The following VWA5B1 variants were observed in gnomAD, a reference collection of about 807,000 sequenced individuals.
VWA5B1 encodes the protein von Willebrand factor A domain containing 5B1.
In VWA5B1, 115 loss-of-function variants were observed where a neutral mutation model predicts 118.2. The observed-to-expected ratio is 0.97, with a 90% CI of 0.84 to 1.14. VWA5B1 has a LOEUF of 1.14. Among genes scored for constraint, VWA5B1 ranks in the 50% most tolerant of loss-of-function variants. The pLI, the probability that VWA5B1 is intolerant of heterozygous loss-of-function variation, is 0.00. For synonymous variants in VWA5B1, 682 were observed against 658.4 expected, an observed-to-expected ratio of 1.04 and a Z score of -0.55; for missense variants, 1,596 against 1,603.8, an observed-to-expected ratio of 1.00 and a Z score of 0.08.
chr1:20,324,491 C>T (rs1435584966), intron 8 of VWA5B1, among the ~76,000 whole-genome samples: 4 of 152,158 alleles, frequency 2.6e-5, no homozygotes, highest in Admixed American at 6.6e-5. Flanking sequence ...GGAAAAGGGT[C>T]GTCTATCCTC....
intron 1 of VWA5B1, among the ~76,000 whole-genome samples, chr1:20,305,305 G>T (rs947843639): frequency 2.6e-5 from 4 of 152,116 alleles, no homozygotes; most frequent in African/African-American, 7.2e-5. Flanking sequence ...AGGAAGCAAA[G>T]GTTGCTGACA....
At chr1:20,319,330 C>A in intron 6 of VWA5B1, 52 bp from the exon 7 acceptor site, 1 of 1,544,530 alleles carries the variant, frequency 6.5e-7, no homozygotes, top group Non-Finnish European at 8.8e-7. Context: ...CCCCCAGCAT[C>A]CTTCTCCTAC....
chr1:20,318,279 C>T (rs558421316), intron 5 of VWA5B1: 20 of 405,032 alleles, frequency 4.9e-5, no homozygotes, highest in South Asian at 1.2e-4. Context: ...CACCCTCCGA[C>T]GGAGCGCTGA....
At position 20,357,265 on chromosome 1, in the gene VWA5B1, C is replaced by T. The variant is rs1332814239; in HGVS notation, c.*3002C>T. On this transcript the variant is annotated 3_prime_UTR_variant, in exon 22 of 22. Coordinates refer to ENST00000289815, the MANE Select transcript of VWA5B1 (RefSeq NM_001039500.3). ...GCAAATTACTTGCTTTCTCTGAACCCCTGTTTCATCTTTTGTGGAATGACG... is the reference window on the plus strand; with the variant it reads ...GCAAATTACTTGCTTTCTCTGAACCTCTGTTTCATCTTTTGTGGAATGACG... Among the ~76,000 whole-genome samples, 1 of 152,180 alleles carries T rather than the reference C, an allele frequency of 6.6e-6. No homozygotes were observed. The highest frequency in any genetic ancestry group is 1.5e-5 in the Non-Finnish European group (1 of 68,036).
rs555198307 is a variant in VWA5B1 at position 20,345,987 on chromosome 1, C to G, written c.2764+394C>G. 5.9e-5 allele frequency among the ~76,000 whole-genome samples: 9 copies of G among 152,320 alleles called. No homozygotes were observed. In the South Asian group the frequency reaches 1.9e-3, roughly 32 times the overall value. On this transcript the variant is annotated intron_variant, in intron 17 of 21. Transcript: ENST00000289815. ...CACTTGGTGTGACCATCCTTCCAGA[C>G]TTCTCTCTATGGATATCAGCATGTA...
In VWA5B1 at chr1:20,336,440, G is replaced by A. The variant is rs376409594; in HGVS notation, c.1896G>A (p.Gln632=). The A allele has an allele frequency of 1.8e-5, 27 of 1,494,290 alleles. No individual in the cohort carries two copies. Among genetic ancestry groups the A allele is most frequent in the Admixed American group, 2.3e-5 (1 of 44,180 alleles). 92.6% of individuals were successfully genotyped at this position (1,494,290 alleles called of 1,614,324 possible). Reference sequence around the variant, plus strand: ...CGGGGGCACCCTTCATCCTAGGGCAGGCCAAAAATGCCCGGCTAGCCAGCG... The same window carrying A: ...CGGGGGCACCCTTCATCCTAGGGCAAGCCAAAAATGCCCGGCTAGCCAGCG... ...KNSGAPFILG[Q]AKNARLASGD... The change falls in exon 13 of 22, where the codon CAG becomes CAA. Residue 632 remains glutamine, a synonymous_variant. Transcript: ENST00000289815.
intron 5 of VWA5B1, chr1:20,318,331 T>G: frequency 3.7e-6 from 2 of 535,810 alleles, no homozygotes; most frequent in Non-Finnish European, 6.8e-6. Flanking sequence ...GTGCGTGCCC[T>G]ATAAGAATGC....
rs1007232497 is a variant in VWA5B1 at position 20,318,684 on chromosome 1, C to T, written c.804C>T (p.Thr268=). 26 of 1,539,362 alleles carry T rather than the reference C, an allele frequency of 1.7e-5. No individual in the cohort carries two copies. The highest frequency in any genetic ancestry group is 2.1e-5 in the Non-Finnish European group (24 of 1,139,552). Residue 268 remains threonine, a synonymous_variant, in exon 6 of 22, where the codon ACC becomes ACT. Coordinates refer to ENST00000289815, the MANE Select transcript of VWA5B1 (RefSeq NM_001039500.3). ...SIIITLANKH[T]FDRPVEILIH... Reference sequence around the variant, plus strand: ...TCATCACCTTGGCCAACAAGCACACCTTTGACCGGCCTGTGGAGATCCTCA... The same window carrying T: ...TCATCACCTTGGCCAACAAGCACACTTTTGACCGGCCTGTGGAGATCCTCA...
intron 9 of VWA5B1, among the ~76,000 whole-genome samples, chr1:20,329,827 T>A (rs1036726174): frequency 1.3e-5 from 2 of 151,992 alleles, no homozygotes; most frequent in African/African-American, 4.8e-5. Context: ...AGATTTCTAG[T>A]CCAGTGCTCT....
intron 16 of VWA5B1, 40 bp downstream of exon 16, chr1:20,343,433 C>T: frequency 1.4e-6 from 2 of 1,475,228 alleles, no homozygotes; most frequent in Non-Finnish European, 1.8e-6. Flanking sequence ...CGGACGGCCT[C>T]CGGAGGACAG....
chr1:20,352,333 C>G (rs1347346483), intron 21 of VWA5B1, among the ~76,000 whole-genome samples, 161 bp downstream of exon 21: 2 of 152,064 alleles, frequency 1.3e-5, no homozygotes, highest in African/African-American at 4.8e-5. Flanking sequence ...AGCTTCCCAC[C>G]CAAGTAGTTA....
In VWA5B1 at chr1:20,358,073, T is replaced by G. The variant is rs528603522; in HGVS notation, c.*3810T>G. ...TCCTTTGGCAGACTTACACTGGACT[T>G]GTCCATAAGCGGCCTCGGTTTCCAG... On this transcript the variant is annotated 3_prime_UTR_variant, in exon 22 of 22. Transcript: ENST00000289815. 6.6e-6 allele frequency among the ~76,000 whole-genome samples: 1 copy of G among 152,308 alleles called. No individual in the cohort carries two copies. The highest frequency in any genetic ancestry group is 6.5e-5 in the Admixed American group (1 of 15,300).
At chr1:20,298,506 G>T (rs965819868) in intron 1 of VWA5B1, among the ~76,000 whole-genome samples, 4 of 151,946 alleles carry the variant, frequency 2.6e-5, no homozygotes, top group African/African-American at 9.7e-5. Flanking sequence ...CCCTACACAG[G>T]GCAAAGCCAC....
rs1305114797 is a variant in VWA5B1, at chr1:20,330,873, T to G, written c.1462T>G (p.Tyr488Asp). 1.3e-6 allele frequency: 2 copies of G among 1,551,614 alleles called. No homozygotes were observed. Among genetic ancestry groups the G allele is most frequent in the Admixed American group, 3.9e-5 (2 of 50,984 alleles). Residue 488 changes from tyrosine (Y) to aspartate (D), a missense_variant, in exon 11 of 22, where the codon TAT becomes GAT. Transcript: ENST00000289815. Reference sequence around the variant, plus strand: ...TCTCTTCTCCCTTTCCGCCAGGTGCTATAGCTTTGGAATTGGACCCAACGT... The same window carrying G: ...TCTCTTCTCCCTTTCCGCCAGGTGCGATAGCTTTGGAATTGGACCCAACGT... ...VRNHAFSTRC[Y>D]SFGIGPNVCH...
chr1:20,351,974 C>T, intron 20 of VWA5B1, 81 bp from the exon 21 acceptor site: 7 of 1,121,424 alleles, frequency 6.2e-6, no homozygotes, highest in South Asian at 6.0e-5. Flanking sequence ...TATTGCATTC[C>T]TTCTGACCCT....
intron 1 of VWA5B1, among the ~76,000 whole-genome samples, chr1:20,298,078 A>G (rs1373332864): frequency 6.8e-6 from 1 of 146,334 alleles, no homozygotes; most frequent in Non-Finnish European, 1.5e-5. Flanking sequence ...TGGTATGATC[A>G]TATCTCACTG....
intron 7 of VWA5B1, 76 bp from the exon 8 acceptor site, chr1:20,323,280 G>A (rs2089277000): frequency 1.5e-6 from 2 of 1,295,314 alleles, no homozygotes; most frequent in Non-Finnish European, 2.0e-6. Context: ...CACGGTGAGT[G>A]ACGGGGACCA....
chr1:20,317,394 G>A, intron 4 of VWA5B1, 136 bp from the exon 5 acceptor site: 1 of 1,188,312 alleles, frequency 8.4e-7, no homozygotes, highest in Non-Finnish European at 1.1e-6. Context: ...GTCAGGTTGA[G>A]TGGGAGAGCA....
chr1:20,336,998 G>C (rs1448370042), intron 13 of VWA5B1, among the ~76,000 whole-genome samples: 1 of 152,150 alleles, frequency 6.6e-6, no homozygotes, highest in South Asian at 2.1e-4. Flanking sequence ...CTGCTTCTTA[G>C]AGGTGGGAAG....
Sources: gnomAD v4.1 joint callset for allele counts (sites outside exome capture counted in the v4.1 genomes callset) on GRCh38, gnomAD v4.1.1 for gene constraint, MANE v1.5 for transcripts, NCBI Gene and HGNC (gene_info 2026-07-23, HGNC 2026-07-21) for gene names.